The following AMPH variants were observed in gnomAD, a reference collection of about 807,000 sequenced individuals.
AMPH encodes amphiphysin (Stiff-Mann syndrome with breast cancer 128kD autoantigen).
Under a neutral mutation model 99.1 loss-of-function variants are expected in AMPH, and 49 were observed. The ratio of observed to expected loss-of-function variants is 0.49; its 90% confidence interval spans 0.39 to 0.63. AMPH has a LOEUF of 0.63. Among genes scored for constraint, AMPH ranks in the 20% least tolerant of loss-of-function variants. AMPH has a pLI of 0.00. For missense variants in AMPH, 759 were observed against 863.4 expected, an observed-to-expected ratio of 0.88 and a Z score of 1.52; for synonymous variants, 314 against 317.3, an observed-to-expected ratio of 0.99 and a Z score of 0.11.
chr7:38,410,019 G>C (rs901226131), intron 17 of AMPH, among the ~76,000 whole-genome samples: 3 of 152,160 alleles, frequency 2.0e-5, no homozygotes, highest in Non-Finnish European at 4.4e-5. Flanking sequence ...ACTAGTTTTT[G>C]GAGCAGCCGC....
In AMPH at chr7:38,422,421, C is replaced by T; in HGVS notation, c.1272G>A (p.Leu424=). Residue 424 remains leucine (L), a splice_region_variant and synonymous_variant, in exon 16 of 21, where the codon TTG becomes TTA. Transcript: ENST00000356264. ...AGAGCACAAACCCAAATCAACTTAC[C>T]AAGTTGCAGATCATACTCTGGTCTG... ...MQTDQSMICN[L]AESEQAPPTE... 1 of 1,612,474 alleles carries T rather than the reference C, an allele frequency of 6.2e-7. No individual in the cohort carries two copies. The highest frequency in any genetic ancestry group is 1.1e-5 in the South Asian group (1 of 90,888).
rs1345218445 is a variant in AMPH at position 38,391,873 on chromosome 7, C to T, written c.1753G>A (p.Ala585Thr). Residue 585 changes from alanine to threonine, a missense_variant, in exon 19 of 21, where the codon GCT (alanine) becomes ACT (threonine). By Grantham distance (58) the Ala-to-Thr change is moderately conservative. Coordinates refer to ENST00000356264, the MANE Select transcript of AMPH (RefSeq NM_001635.4). ...TCCTGGATAGGCTTCTGCTCCGTAG[C>T]CAGCTCCGGTGTCTCGCTGGTGGGG... Reference protein sequence around the residue: ...PGPTSETPELATEQKPIQDPQ... With the variant: ...PGPTSETPELTTEQKPIQDPQ... 1.9e-6 allele frequency: 3 copies of T among 1,612,806 alleles called. No individual in the cohort carries two copies. Among genetic ancestry groups the T allele is most frequent in the Non-Finnish European group, 2.5e-6 (3 of 1,179,720 alleles).
chr7:38,535,573 T>C (rs1790568209), intron 1 of AMPH, among the ~76,000 whole-genome samples: 1 of 152,190 alleles, frequency 6.6e-6, no homozygotes, highest in South Asian at 2.1e-4. Context: ...ATTTCTATTA[T>C]TATTATTACA....
intron 17 of AMPH, among the ~76,000 whole-genome samples, chr7:38,401,978 T>C (rs1584041979): frequency 6.6e-6 from 1 of 152,288 alleles, no homozygotes; most frequent in East Asian, 1.9e-4. Flanking sequence ...AAATCTATCA[T>C]CTTTGCTTGT....
intron 11 of AMPH, among the ~76,000 whole-genome samples, chr7:38,437,230 G>A (rs1786303995): frequency 6.6e-6 from 1 of 152,130 alleles, no homozygotes; most frequent in African/African-American, 2.4e-5. Context: ...AAGTTACACA[G>A]TAAAGGGCCA....
At chr7:38,544,387 G>C (rs1327628170) in intron 1 of AMPH, among the ~76,000 whole-genome samples, 1 of 152,186 alleles carries the variant, frequency 6.6e-6, no homozygotes, top group Non-Finnish European at 1.5e-5. Flanking sequence ...GGCCACCAAG[G>C]TGTCCCATAG....
intron 20 of AMPH, among the ~76,000 whole-genome samples, chr7:38,385,666 T>C (rs1340703979): frequency 6.6e-6 from 1 of 152,152 alleles, no homozygotes; most frequent in East Asian, 1.9e-4. Flanking sequence ...AACATTTGTC[T>C]GTCATATAGA....
intron 17 of AMPH, among the ~76,000 whole-genome samples, chr7:38,401,502 C>G (rs146332217): frequency 1.5e-4 from 23 of 152,290 alleles, no homozygotes; most frequent in African/African-American, 5.3e-4. Flanking sequence ...TGGAAAGTCT[C>G]TAGCACCTTA....
intron 1 of AMPH, among the ~76,000 whole-genome samples, chr7:38,546,470 T>C (rs143056002): frequency 1.5e-3 from 231 of 152,338 alleles, no homozygotes; most frequent in Non-Finnish European, 1.9e-3. Flanking sequence ...TAATCTGAGC[T>C]TCTCAAACTG....
At chr7:38,544,932 G>C (rs186751577) in intron 1 of AMPH, among the ~76,000 whole-genome samples, 1 of 152,120 alleles carries the variant, frequency 6.6e-6, no homozygotes, top group Non-Finnish European at 1.5e-5. Context: ...AGATTCTTAC[G>C]TGTTTGGCCA....
At chr7:38,618,341 T>A (rs1324217784) in intron 1 of AMPH, among the ~76,000 whole-genome samples, 1 of 147,556 alleles carries the variant, frequency 6.8e-6, no homozygotes, top group African/African-American at 2.5e-5. Context: ...TGAAACCCCA[T>A]CTCTACAAAA....
chr7:38,518,858 C>G (rs1789848302), intron 2 of AMPH, among the ~76,000 whole-genome samples: 1 of 152,060 alleles, frequency 6.6e-6, no homozygotes, highest in South Asian at 2.1e-4. Flanking sequence ...TTTGAGGGAC[C>G]AGGAAGGAAT....
At chr7:38,430,409 G>GAAAA (rs1785964418) in intron 13 of AMPH, among the ~76,000 whole-genome samples, 1 of 152,028 alleles carries the variant, frequency 6.6e-6, no homozygotes, top group Non-Finnish European at 1.5e-5. Flanking sequence ...TCCACATAAT[G>GAAAA]AAAAAATCTT....
At chr7:38,478,595 A>C (rs1788172938) in intron 5 of AMPH, among the ~76,000 whole-genome samples, 1 of 152,174 alleles carries the variant, frequency 6.6e-6, no homozygotes, top group Non-Finnish European at 1.5e-5. Flanking sequence ...ACAACAATCC[A>C]TGAGAAAAGG....
At chr7:38,525,445 CGT>C (rs146505083) in intron 2 of AMPH, among the ~76,000 whole-genome samples, 10,544 of 125,140 alleles carry the variant, frequency 0.084, 627 homozygotes, top group East Asian at 0.2. Context: ...CTCATTTGTG[CGT>C]GTGTGTGTGT....
chr7:38,386,017 AAATG>A (rs529895927), intron 20 of AMPH, among the ~76,000 whole-genome samples: 6 of 152,344 alleles, frequency 3.9e-5, no homozygotes, highest in Middle Eastern at 3.4e-3. Flanking sequence ...CTCAAAAATT[AAATG>A]AAGAAGCTGA....
chr7:38,488,204 A>T (rs935913325), intron 5 of AMPH, among the ~76,000 whole-genome samples: 2 of 152,168 alleles, frequency 1.3e-5, no homozygotes, highest in Non-Finnish European at 2.9e-5. Flanking sequence ...AACTCATTCT[A>T]CAATAAAGAC....
At chr7:38,540,692 CAAAAAAAAAAAAAAA>C (rs373768495) in intron 1 of AMPH, among the ~76,000 whole-genome samples, 3 of 19,768 alleles carry the variant, frequency 1.5e-4, no homozygotes, top group Non-Finnish European at 2.7e-4. Context: ...TGACCCCAAG[CAAAAAAAAAAAAAAA>C]AAAAAAAAAA....
At chr7:38,623,259 TA>T (rs1794132326) in intron 1 of AMPH, among the ~76,000 whole-genome samples, 1 of 152,210 alleles carries the variant, frequency 6.6e-6, no homozygotes, top group Admixed American at 6.5e-5. Flanking sequence ...TTTGGTCTAT[TA>T]AAAAAGCTAG....
Sources: allele counts gnomAD v4.1 joint callset (sites outside exome capture counted in the v4.1 genomes callset), GRCh38; gene constraint gnomAD v4.1.1; transcripts MANE v1.5; gene names NCBI Gene and HGNC (gene_info 2026-07-23, HGNC 2026-07-21).